DPP8: variants seen among roughly 807,000 people sequenced by gnomAD.
DPP8 encodes DPP VIII.
A neutral mutation model predicts 107.5 loss-of-function variants in DPP8; 31 were observed. That is an observed-to-expected ratio of 0.29 (90% CI 0.22 to 0.39). The LOEUF (loss-of-function observed/expected upper bound fraction) is 0.39, where lower values mean the gene tolerates loss of function less well. Among genes scored for constraint, DPP8 ranks in the 10% least tolerant of loss-of-function variants. DPP8 has a pLI of 1.00. For missense variants in DPP8, 842 were observed against 1,076.1 expected (o/e 0.78, Z 3.04); for synonymous variants, 381 against 356.6 (o/e 1.07, Z -0.77).
chr15:65,494,600 G>A (rs375099063), intron 5 of DPP8, among the ~76,000 whole-genome samples: 9 of 124,720 alleles, frequency 7.2e-5, no homozygotes, highest in South Asian at 5.4e-4. Context: ...CTGCAGCCCC[G>A]TGAAGACTGC....
At position 65,446,064 on chromosome 15, in the gene DPP8, C is replaced by A. The variant is rs1359793355; in HGVS notation, c.*820G>T. ...GAATTCTAGTGAATGTGTACTTTTT[C>A]CTTTTCTTAAAGGAAAAAAAAAAAC... On this transcript the variant is annotated 3_prime_UTR_variant, in exon 20 of 20. Transcript: ENST00000300141. 1.3e-5 allele frequency: 2 copies of A among 151,590 alleles called. No individual in the cohort carries two copies. The highest frequency in any genetic ancestry group is 6.6e-5 in the Admixed American group (1 of 15,226). The allele number at this position is 151,590 out of a possible 1,614,324, so 9.4% of individuals were successfully genotyped here.
chr15:65,516,512 G>C (rs974415799), intron 1 of DPP8: 1 of 152,124 alleles, frequency 6.6e-6, no homozygotes, highest in Admixed American at 6.5e-5. Flanking sequence ...GCCCAAGTAG[G>C]TGATGAAGGG....
chr15:65,474,747 G>A (rs1457531921), intron 11 of DPP8, among the ~76,000 whole-genome samples: 1 of 152,206 alleles, frequency 6.6e-6, no homozygotes, highest in Non-Finnish European at 1.5e-5. Flanking sequence ...GGGATTACAG[G>A]CATGGGCCTG....
At chr15:65,454,824 C>T (rs2064273086) in intron 16 of DPP8, among the ~76,000 whole-genome samples, 1 of 151,572 alleles carries the variant, frequency 6.6e-6, no homozygotes, top group South Asian at 2.1e-4. Context: ...CACACCCGGC[C>T]CCGTAGGTTT....
At chr15:65,458,018 C>T (rs1393726691) in intron 15 of DPP8, among the ~76,000 whole-genome samples, 1 of 152,256 alleles carries the variant, frequency 6.6e-6, no homozygotes, top group East Asian at 1.9e-4. Context: ...GAGAAGTACA[C>T]GAATATGAAC....
At chr15:65,515,727 G>C in intron 1 of DPP8, 1 of 1,603,754 alleles carries the variant, frequency 6.2e-7, no homozygotes. Context: ...TCGACTTCAA[G>C]CATAGAATCC....
chr15:65,485,472 A>G (rs2067315878), intron 7 of DPP8, among the ~76,000 whole-genome samples: 1 of 139,792 alleles, frequency 7.2e-6, no homozygotes, highest in Admixed American at 7.6e-5. Context: ...TGAACCTGGG[A>G]GGTGGAGAAT....
At chr15:65,476,781 G>GT (rs1484419530) in intron 11 of DPP8, among the ~76,000 whole-genome samples, 26 of 152,118 alleles carry the variant, frequency 1.7e-4, no homozygotes, top group Non-Finnish European at 3.1e-4. Flanking sequence ...GCCAAAAGGT[G>GT]GAACCAATCC....
chr15:65,500,236 T>A (rs536429897), intron 4 of DPP8, among the ~76,000 whole-genome samples: 1 of 151,790 alleles, frequency 6.6e-6, no homozygotes, highest in Admixed American at 6.6e-5. Context: ...CTGACCAACA[T>A]GGAGATACCC....
chr15:65,452,918 G>T (rs1376506921), intron 17 of DPP8, among the ~76,000 whole-genome samples: 1 of 151,634 alleles, frequency 6.6e-6, no homozygotes, highest in Non-Finnish European at 1.5e-5. Context: ...GTTGCAGTGA[G>T]CCGAGATCGC....
chr15:65,462,896 T>C lies in DPP8; in HGVS notation c.1971+865A>G, dbSNP rs560736039. On this transcript the variant is annotated intron_variant, in intron 15 of 19. Transcript: ENST00000300141. Reference sequence around the variant, plus strand: ...GCCTGGCCAAAATATTTCACTCCAATAGTCAAAGCATTTACTTAACAGTCA... The same window carrying C: ...GCCTGGCCAAAATATTTCACTCCAACAGTCAAAGCATTTACTTAACAGTCA... 3.1e-4 allele frequency among the ~76,000 whole-genome samples: 47 copies of C among 152,172 alleles called. 1 individual carries two copies. The highest frequency in any genetic ancestry group is 2.9e-5 in the Non-Finnish European group (2 of 67,996).
intron 5 of DPP8, among the ~76,000 whole-genome samples, chr15:65,491,160 CAAA>C (rs764574499): frequency 5.5e-5 from 3 of 55,004 alleles, no homozygotes. Flanking sequence ...GACTCCGTCT[CAAA>C]AAAAAAAAAA....
At chr15:65,448,921 TA>T (rs2063756682) in intron 19 of DPP8, among the ~76,000 whole-genome samples, 7 of 90,648 alleles carry the variant, frequency 7.7e-5, no homozygotes, top group African/African-American at 2.9e-4. Context: ...TATATATATA[TA>T]TTTAGCCTGG....
rs1027091408 is a variant in DPP8, at chr15:65,443,507, T to C, written c.*3377A>G. ...AAAACAAGTAGTAAAAAAAAAAAAG[T>C]AAGCATCGGTATCAATATCGCATTC... On this transcript the variant is annotated 3_prime_UTR_variant, in exon 20 of 20. Coordinates refer to ENST00000300141, the MANE Select transcript of DPP8 (RefSeq NM_130434.5). 6.9e-6 allele frequency: 1 copy of C among 145,798 alleles called. No homozygotes were observed. The highest frequency in any genetic ancestry group is 1.5e-5 in the Non-Finnish European group (1 of 66,564). 9.0% of individuals were successfully genotyped at this position (145,798 alleles called of 1,614,324 possible).
At chr15:65,476,193 T>C (rs1316300180) in intron 11 of DPP8, among the ~76,000 whole-genome samples, 1 of 152,144 alleles carries the variant, frequency 6.6e-6, no homozygotes, top group East Asian at 1.9e-4. Flanking sequence ...CAGGCCTAGG[T>C]GGTGAGGCTG....
chr15:65,463,840 T>C lies in DPP8; in HGVS notation c.1892A>G (p.Tyr631Cys). 1 of 1,606,842 alleles carries C rather than the reference T, an allele frequency of 6.2e-7. No homozygotes were observed. The highest frequency in any genetic ancestry group is 8.5e-7 in the Non-Finnish European group (1 of 1,176,886). The part of the protein sequence containing the change: ...SFESTTGFTL[Y>C]GMLYKPHDLQ... ...ATCATGAGGCTTGTAGAGCATCCCATACAATGTAAATCCAGTAGTACTTTC... is the reference window on the plus strand; with the variant it reads ...ATCATGAGGCTTGTAGAGCATCCCACACAATGTAAATCCAGTAGTACTTTC... Residue 631 changes from tyrosine (Y) to cysteine (C), a missense_variant, in exon 15 of 20, where the codon TAT becomes TGT. Physicochemically the swap from Tyr to Cys is radical, Grantham distance 194. This residue lies in a region of DPP8 where 179 missense variants were observed against 318.0 expected (regional missense o/e 0.56). Coordinates refer to ENST00000300141, the MANE Select transcript of DPP8 (RefSeq NM_130434.5).
rs80344191 is a variant in DPP8 at position 65,511,344 on chromosome 15, C to G, written c.259+951G>C. Among the ~76,000 whole-genome samples, 1,145 of 151,034 alleles carry G rather than the reference C, an allele frequency of 7.6e-3. 14 individuals are homozygous for G. Among genetic ancestry groups the G allele is most frequent in the African/African-American group, 0.027 (1,094 of 41,050 alleles). On this transcript the variant is annotated intron_variant, in intron 2 of 19. Transcript: ENST00000300141. ...TCTACAAAAAAATTCAAAACATTAGCTGGTTGTGGCAGCGTGTGACCATTA... is the reference window on the plus strand; with the variant it reads ...TCTACAAAAAAATTCAAAACATTAGGTGGTTGTGGCAGCGTGTGACCATTA...
chr15:65,516,029 A>G (rs1353119238), intron 1 of DPP8: 5 of 399,504 alleles, frequency 1.3e-5, no homozygotes, highest in African/African-American at 2.1e-5. Flanking sequence ...AACATAGCAA[A>G]CTTTGGTGTC....
intron 8 of DPP8, 91 bp downstream of exon 8, chr15:65,485,008 T>G (rs2067267637): frequency 2.0e-6 from 2 of 1,017,824 alleles, no homozygotes; most frequent in African/African-American, 3.3e-5. Context: ...GTTCAGCAAG[T>G]CCAAAAATAA....
Sources: allele counts gnomAD v4.1 joint callset (sites outside exome capture counted in the v4.1 genomes callset), GRCh38; gene constraint gnomAD v4.1.1; regional missense constraint gnomAD v4.1.1; transcripts MANE v1.5; gene names NCBI Gene and HGNC (gene_info 2026-07-23, HGNC 2026-07-21).